COG5: variants seen among roughly 807,000 people sequenced by gnomAD.
COG5 encodes the protein component of oligomeric golgi complex 5, also known as conserved oligomeric Golgi complex subunit 5.
A neutral mutation model predicts 110.4 loss-of-function variants in COG5; 86 were observed. That is an observed-to-expected ratio of 0.78 (90% CI 0.65 to 0.93). The LOEUF (loss-of-function observed/expected upper bound fraction) is 0.93, where lower values mean the gene tolerates loss of function less well. Among genes scored for constraint, COG5 ranks in the 40% least tolerant of loss-of-function variants. The probability of loss-of-function intolerance (pLI) is 0.00; values close to 1 mark genes in which losing one functional copy is unlikely to be tolerated. For synonymous variants in COG5, 360 were observed against 334.6 expected (o/e 1.08, Z -0.83); for missense variants, 1,077 against 987.0 (o/e 1.09, Z -1.22).
chr7:107,535,272 G>A lies in COG5; in HGVS notation c.418-7915C>T, dbSNP rs1373143186. ...ACAATTAAAAGAACTAGAGAAGCAA[G>A]AGCAAACAAATGCAAAATCTAGCAG... On this transcript the variant is annotated intron_variant, in intron 5 of 21. Transcript: ENST00000297135. 6.6e-5 allele frequency among the ~76,000 whole-genome samples: 10 copies of A among 151,554 alleles called. No individual in the cohort carries two copies. The East Asian group carries it at 1.9e-3, about 29-fold the overall frequency.
chr7:107,235,967 T>C (rs1266822018), intron 18 of COG5, among the ~76,000 whole-genome samples: 1 of 152,122 alleles, frequency 6.6e-6, no homozygotes, highest in Non-Finnish European at 1.5e-5. Flanking sequence ...CTCTACCTGA[T>C]AGAGAGAGAA....
intron 6 of COG5, among the ~76,000 whole-genome samples, chr7:107,431,451 T>C (rs536064280): frequency 6.6e-6 from 1 of 152,244 alleles, no homozygotes; most frequent in Admixed American, 6.5e-5. Context: ...TAAGGGGTGT[T>C]TATTTTACTA....
intron 10 of COG5, among the ~76,000 whole-genome samples, chr7:107,347,205 A>G (rs1811695900): frequency 6.6e-6 from 1 of 152,210 alleles, no homozygotes; most frequent in South Asian, 2.1e-4. Context: ...ATGTTGTTAA[A>G]AAGAGGTATT....
At chr7:107,265,883 T>C (rs1158374289) in intron 14 of COG5, among the ~76,000 whole-genome samples, 1 of 152,014 alleles carries the variant, frequency 6.6e-6, no homozygotes, top group African/African-American at 2.4e-5. Context: ...AGTGAGACCC[T>C]GTCTCTACAA....
chr7:107,465,205 C>T (rs1266751991), intron 6 of COG5, among the ~76,000 whole-genome samples: 3 of 151,980 alleles, frequency 2.0e-5, no homozygotes, highest in African/African-American at 7.2e-5. Context: ...AGACAATTGT[C>T]TATATAGAAA....
chr7:107,293,419 G>C (rs567704972), intron 12 of COG5, among the ~76,000 whole-genome samples: 3 of 152,150 alleles, frequency 2.0e-5, no homozygotes, highest in Non-Finnish European at 4.4e-5. Flanking sequence ...TCTAGAGAAC[G>C]ATCTCCACTT....
At chr7:107,394,122 CA>C (rs1790817569) in intron 7 of COG5, among the ~76,000 whole-genome samples, 1 of 151,922 alleles carries the variant, frequency 6.6e-6, no homozygotes, top group Admixed American at 6.6e-5. Context: ...CCACCACGCC[CA>C]GCTAATTTTT....
At chr7:107,446,598 T>C (rs1404602364) in intron 6 of COG5, among the ~76,000 whole-genome samples, 1 of 152,192 alleles carries the variant, frequency 6.6e-6, no homozygotes, top group African/African-American at 2.4e-5. Flanking sequence ...TTATGGCTTC[T>C]ATACTGTGTA....
At chr7:107,557,148 T>C (rs1170450849) in intron 2 of COG5, among the ~76,000 whole-genome samples, 1 of 152,156 alleles carries the variant, frequency 6.6e-6, no homozygotes, top group Non-Finnish European at 1.5e-5. Context: ...TAAAATAACC[T>C]TAGAAGGCAT....
intron 5 of COG5, among the ~76,000 whole-genome samples, chr7:107,541,523 A>AAAAATATATATAT (rs60423657): frequency 5.6e-4 from 32 of 57,008 alleles, no homozygotes; most frequent in East Asian, 1.6e-3. Context: ...AAAAAAAAAA[A>AAAAATATATATAT]ATATATATAT....
At chr7:107,525,558 T>TG (rs1800667205) in intron 6 of COG5, among the ~76,000 whole-genome samples, 1 of 151,732 alleles carries the variant, frequency 6.6e-6, no homozygotes, top group African/African-American at 2.4e-5. Flanking sequence ...GTTAACTTTT[T>TG]TTTTTTTTTA....
At chr7:107,449,963 A>C (rs1226557825) in intron 6 of COG5, 1 of 152,236 alleles carries the variant, frequency 6.6e-6, no homozygotes, top group East Asian at 1.9e-4. Context: ...AAAGAAGGTA[A>C]AGGATCTAAA....
chr7:107,411,764 T>C (rs1301013392), intron 7 of COG5, among the ~76,000 whole-genome samples: 1 of 152,156 alleles, frequency 6.6e-6, no homozygotes, highest in Non-Finnish European at 1.5e-5. Context: ...AATAACATTG[T>C]TTCTGTCCAA....
chr7:107,350,008 G>A (rs557555626), intron 10 of COG5, among the ~76,000 whole-genome samples: 2 of 152,238 alleles, frequency 1.3e-5, no homozygotes, highest in South Asian at 4.1e-4. Context: ...TTACCTGTTC[G>A]TTTTTCTTAG....
At chr7:107,429,686 T>TG (rs1174145037) in intron 6 of COG5, among the ~76,000 whole-genome samples, 2 of 152,188 alleles carry the variant, frequency 1.3e-5, no homozygotes, top group Non-Finnish European at 2.9e-5. Context: ...GAGAGGGACC[T>TG]GGTGGGAGGT....
intron 19 of COG5, 143 bp from the exon 20 acceptor site, chr7:107,211,368 G>A: frequency 1.2e-6 from 1 of 866,382 alleles, no homozygotes; most frequent in Non-Finnish European, 1.8e-6. Context: ...ACTCTATTCA[G>A]CCTTGAGACG....
intron 7 of COG5, among the ~76,000 whole-genome samples, chr7:107,392,656 G>A (rs1281329168): frequency 1.3e-5 from 2 of 148,250 alleles, no homozygotes; most frequent in African/African-American, 5.0e-5. Flanking sequence ...TAATTCATGA[G>A]GGAAAGAATA....
intron 11 of COG5, among the ~76,000 whole-genome samples, chr7:107,320,878 A>C (rs1809204228): frequency 6.6e-6 from 1 of 152,210 alleles, no homozygotes; most frequent in South Asian, 2.1e-4. Flanking sequence ...TGATTGGTTA[A>C]GTACAGACAT....
rs1284945306 is a variant in COG5, at chr7:107,436,973, A to G, written c.539-24341T>C. ...TACATTAATACTTGAATTAAGTAAG[A>G]CATTTCAATGACACTATTTGTGGTC... On this transcript the variant is annotated intron_variant, in intron 6 of 21. Coordinates refer to ENST00000297135, the MANE Select transcript of COG5 (RefSeq NM_006348.5). 4.6e-4 allele frequency among the ~76,000 whole-genome samples: 70 copies of G among 152,336 alleles called. 1 individual carries two copies. The highest frequency in any genetic ancestry group is 4.6e-3 in the Admixed American group (70 of 15,306).
Sources: allele counts gnomAD v4.1 joint callset (sites outside exome capture counted in the v4.1 genomes callset), GRCh38; gene constraint gnomAD v4.1.1; transcripts MANE v1.5; gene names NCBI Gene and HGNC (gene_info 2026-07-23, HGNC 2026-07-21).